SNU13: variants seen among roughly 807,000 people sequenced by gnomAD.
SNU13 encodes the protein small nuclear ribonucleoprotein 13.
SNU13 carries 2 observed loss-of-function variants against 12.4 expected under a neutral mutation model. That is an observed-to-expected ratio of 0.16 (90% CI 0.07 to 0.51). SNU13 has a LOEUF of 0.51. Ranked by LOEUF, SNU13 falls within the 20% of genes least tolerant of loss-of-function variation. The pLI is 0.96. For synonymous variants in SNU13, 68 were observed against 66.5 expected, an observed-to-expected ratio of 1.02 and a Z score of -0.11; for missense variants, 66 against 157.8, an observed-to-expected ratio of 0.42 and a Z score of 3.12.
rs867224102 is a variant in SNU13, at chr22:41,688,777, C to A, written c.3+17G>T. ...AGTCTCCCGCTTCCCGGTCCCTCGG[C>A]CGGCGCACGCACTCACCATGGCTGC... On this transcript the variant is annotated intron_variant, in intron 1 of 2. Transcript: ENST00000401959. 2.5e-6 allele frequency: 4 copies of A among 1,598,696 alleles called. No individual in the cohort carries two copies. Among genetic ancestry groups the A allele is most frequent in the Non-Finnish European group, 2.6e-6 (3 of 1,168,626 alleles).
intron 1 of SNU13, chr22:41,688,208 G>C (rs1013016263): frequency 1.3e-5 from 2 of 152,260 alleles, no homozygotes; most frequent in Admixed American, 1.3e-4. Context: ...CTGCACTCCA[G>C]GCCGTGAGTC....
intron 1 of SNU13, chr22:41,682,426 G>A: frequency 6.2e-7 from 1 of 1,612,390 alleles, no homozygotes; most frequent in Non-Finnish European, 8.5e-7. Context: ...TGGACGGTCT[G>A]CTGCCCAGCA....
intron 1 of SNU13, among the ~76,000 whole-genome samples, chr22:41,685,715 C>T (rs1175886000): frequency 1.3e-5 from 2 of 151,602 alleles, no homozygotes; most frequent in African/African-American, 4.8e-5. Context: ...CCTGTAATCC[C>T]ACCTCTTTGG....
chr22:41,675,252 C>A, intron 2 of SNU13, 57 bp from the exon 3 acceptor site: 3 of 1,584,354 alleles, frequency 1.9e-6, no homozygotes, highest in Non-Finnish European at 2.6e-6. Context: ...AGGGCAGCCA[C>A]AACAAACTGG....
At chr22:41,688,541 C>T (rs1332122073) in intron 1 of SNU13, among the ~76,000 whole-genome samples, 1 of 152,262 alleles carries the variant, frequency 6.6e-6, no homozygotes, top group African/African-American at 2.4e-5. Flanking sequence ...TCGCTGCAGG[C>T]CTTTTGCCAA....
chr22:41,676,654 T>G (rs2068217110), intron 2 of SNU13, among the ~76,000 whole-genome samples: 2 of 152,302 alleles, frequency 1.3e-5, no homozygotes, highest in Admixed American at 1.3e-4. Flanking sequence ...ATGGTTTTCA[T>G]TTGGTGGCAG....
intron 2 of SNU13, among the ~76,000 whole-genome samples, chr22:41,679,344 A>C (rs996667366): frequency 2.0e-5 from 3 of 152,104 alleles, no homozygotes; most frequent in Non-Finnish European, 2.9e-5. Context: ...ATCACCTGAG[A>C]TCAGGAGTTC....
intron 1 of SNU13, among the ~76,000 whole-genome samples, chr22:41,684,141 G>A (rs2068289822): frequency 1.3e-5 from 2 of 152,130 alleles, no homozygotes; most frequent in South Asian, 4.1e-4. Context: ...CTGACCTCAG[G>A]TGATCTACCT....
At chr22:41,680,500 G>A in intron 1 of SNU13, 136 bp from the exon 2 acceptor site, 1 of 825,990 alleles carries the variant, frequency 1.2e-6, no homozygotes, top group South Asian at 2.1e-5. Context: ...AAAACACCAG[G>A]TAGTTAACAA....
rs2068273868 is a variant in SNU13 at position 41,682,522 on chromosome 22, C to T, written c.4-2158G>A. On this transcript the variant is annotated intron_variant, in intron 1 of 2. Transcript: ENST00000401959. ...AAGTGACGTCCAGGGCCAGCCCGTA[C>T]ACCAGGACGCCCTGTCTTCTACGTA... The T allele has an allele frequency of 3.9e-6, 6 of 1,522,054 alleles. No homozygotes were observed. The East Asian group carries it at 1.2e-4, about 31-fold the overall frequency. The allele number at this position is 1,522,054 out of a possible 1,614,324, so 94.3% of individuals were successfully genotyped here. A position where few individuals can be genotyped will look rare whatever the true frequency, so the allele number is the denominator to read the frequency against.
chr22:41,678,886 T>A (rs889229625), intron 2 of SNU13, among the ~76,000 whole-genome samples: 1 of 152,164 alleles, frequency 6.6e-6, no homozygotes, highest in Non-Finnish European at 1.5e-5. Flanking sequence ...GTTGACAAAA[T>A]CTCTGATGTT....
chr22:41,675,227 G>A, intron 2 of SNU13, 32 bp from the exon 3 acceptor site: 1 of 1,604,874 alleles, frequency 6.2e-7, no homozygotes, highest in Non-Finnish European at 8.5e-7. Flanking sequence ...GCTAATAGGT[G>A]ATGTGGGCTT....
At chr22:41,683,817 G>A (rs369059771) in intron 1 of SNU13, among the ~76,000 whole-genome samples, 4 of 152,142 alleles carry the variant, frequency 2.6e-5, no homozygotes, top group Admixed American at 2.0e-4. Context: ...AACTAGCTTC[G>A]TTGCCTGGGG....
At chr22:41,683,370 A>G (rs1280747680) in intron 1 of SNU13, among the ~76,000 whole-genome samples, 3 of 151,906 alleles carry the variant, frequency 2.0e-5, no homozygotes, top group African/African-American at 7.3e-5. Context: ...TCAGACTCCC[A>G]AGTAGCTGGG....
chr22:41,674,018 A>T lies in SNU13; in HGVS notation c.*915T>A, dbSNP rs1270613679. 1 of 152,236 alleles carries T rather than the reference A, an allele frequency of 6.6e-6. No individual in the cohort carries two copies. The highest frequency in any genetic ancestry group is 2.4e-5 in the African/African-American group (1 of 41,474). The allele number at this position is 152,236 out of a possible 1,614,324, so 9.4% of individuals were successfully genotyped here. A position where few individuals can be genotyped will look rare whatever the true frequency, so the allele number is the denominator to read the frequency against. On this transcript the variant is annotated 3_prime_UTR_variant, in exon 3 of 3. Coordinates refer to ENST00000401959, the MANE Select transcript of SNU13 (RefSeq NM_001003796.2). ...GCACTCTCCTCATGTGACAGAGAGT[A>T]CATCTGACCCACATGGTGGCAGGAC...
In SNU13 at chr22:41,688,858, G is replaced by C. The variant is rs1369667710; in HGVS notation, c.-62C>G. ...CGCAGCTGACGTTTCAGAAGCACTC[G>C]CGTGCACCGGAAAAACTCACAGAAG... On this transcript the variant is annotated 5_prime_UTR_variant, in exon 1 of 3. Coordinates refer to ENST00000401959, the MANE Select transcript of SNU13 (RefSeq NM_001003796.2). 5 of 1,534,222 alleles carry C rather than the reference G, an allele frequency of 3.3e-6. No individual in the cohort carries two copies. The highest frequency in any genetic ancestry group is 4.6e-5 in the East Asian group (2 of 43,410).
At chr22:41,686,487 T>C (rs907345886) in intron 1 of SNU13, among the ~76,000 whole-genome samples, 1 of 151,422 alleles carries the variant, frequency 6.6e-6, no homozygotes, top group Non-Finnish European at 1.5e-5. Flanking sequence ...GTATTTTTAG[T>C]AGAGATGGGG....
intron 2 of SNU13, among the ~76,000 whole-genome samples, chr22:41,678,305 A>G (rs75514578): frequency 0.017 from 2,654 of 152,184 alleles, 65 homozygotes; most frequent in African/African-American, 0.061. Flanking sequence ...CCAGGCATAA[A>G]ACCTATGTCT....
chr22:41,688,929 AC>A, upstream of SNU13: 1 of 1,433,512 alleles, frequency 7.0e-7, no homozygotes, highest in Non-Finnish European at 9.2e-7. Flanking sequence ...AGGTGACGCT[AC>A]GCGAGCGAGT....
Sources: gnomAD v4.1 joint callset for allele counts (sites outside exome capture counted in the v4.1 genomes callset) on GRCh38, gnomAD v4.1.1 for gene constraint, MANE v1.5 for transcripts, NCBI Gene and HGNC (gene_info 2026-07-23, HGNC 2026-07-21) for gene names.